CCDC73: variants seen among roughly 807,000 people sequenced by gnomAD.
The protein encoded by CCDC73 is coiled-coil domain containing 73, also known as coiled-coil domain-containing protein 73.
A neutral mutation model predicts 116.5 loss-of-function variants in CCDC73; 95 were observed. The ratio of observed to expected loss-of-function variants is 0.82; its 90% CI spans 0.69 to 0.97. The LOEUF (loss-of-function observed/expected upper bound fraction) is 0.97. Ranked by LOEUF, CCDC73 falls within the 50% of genes least tolerant of loss-of-function variation. CCDC73 has a pLI of 0.00. For synonymous variants in CCDC73, 398 were observed against 401.3 expected, an observed-to-expected ratio of 0.99 and a Z score of 0.10; for missense variants, 1,066 against 1,206.8, an observed-to-expected ratio of 0.88 and a Z score of 1.73.
the CCDC73 span, chr11:32,829,923 C>G: frequency 2.0e-6 from 2 of 985,602 alleles, no homozygotes; most frequent in South Asian, 9.4e-5. Flanking sequence ...CGCCTCCTCC[C>G]GTCCTCCGTC....
intron 14 of CCDC73, among the ~76,000 whole-genome samples, chr11:32,617,723 G>GT (rs1855487227): frequency 6.6e-6 from 1 of 152,196 alleles, no homozygotes; most frequent in Non-Finnish European, 1.5e-5. Context: ...TAGATGACTG[G>GT]TGGATGTCAT....
At chr11:32,759,327 CTT>C (rs1208029392) in intron 2 of CCDC73, among the ~76,000 whole-genome samples, 1 of 129,946 alleles carries the variant, frequency 7.7e-6, no homozygotes, top group Non-Finnish European at 1.6e-5. Context: ...ACATTTTTTC[CTT>C]TTTTTTTTTT....
the CCDC73 span, among the ~76,000 whole-genome samples, chr11:32,806,085 A>G: frequency 6.6e-6 from 1 of 152,346 alleles, no homozygotes; most frequent in South Asian, 2.1e-4. Context: ...ATGAAGTAGT[A>G]AACTAATTTG....
intron 1 of CCDC73, among the ~76,000 whole-genome samples, chr11:32,783,692 C>T (rs563064209): frequency 6.6e-6 from 1 of 152,090 alleles, no homozygotes; most frequent in South Asian, 2.1e-4. Context: ...TTCAAGAGGA[C>T]TCTGCCTTCA....
intron 2 of CCDC73, among the ~76,000 whole-genome samples, chr11:32,722,811 T>G (rs1850001053): frequency 6.6e-6 from 1 of 152,176 alleles, no homozygotes; most frequent in Non-Finnish European, 1.5e-5. Flanking sequence ...TCTAAGTACT[T>G]TTTATTTATT....
At chr11:32,809,994 AGATACTG>A in the CCDC73 span, among the ~76,000 whole-genome samples, 4 of 152,252 alleles carry the variant, frequency 2.6e-5, no homozygotes, top group African/African-American at 9.6e-5. Context: ...ACTTACTCAA[AGATACTG>A]GACACTGCAG....
chr11:32,775,357 TGCA>T (rs1319998135), intron 1 of CCDC73, among the ~76,000 whole-genome samples: 1 of 152,224 alleles, frequency 6.6e-6, no homozygotes, highest in Admixed American at 6.5e-5. Context: ...TTTATGTTTC[TGCA>T]GTCTCAGGTC....
intron 2 of CCDC73, among the ~76,000 whole-genome samples, chr11:32,752,956 G>A (rs1446066462): frequency 1.3e-5 from 2 of 151,886 alleles, no homozygotes; most frequent in African/African-American, 4.8e-5. Context: ...ATGGGCACAT[G>A]CCATCATGTC....
At chr11:32,655,044 T>C (rs1009295170) in intron 9 of CCDC73, 72 bp from the exon 10 acceptor site, 2 of 1,339,416 alleles carry the variant, frequency 1.5e-6, no homozygotes, top group Non-Finnish European at 2.0e-6. Flanking sequence ...TTCCTGACAG[T>C]TTCAAAGTTC....
chr11:32,755,192 G>C (rs369979224), intron 2 of CCDC73, among the ~76,000 whole-genome samples: 1 of 147,964 alleles, frequency 6.8e-6, no homozygotes, highest in East Asian at 2.0e-4. Flanking sequence ...AGTCAGCTTC[G>C]ACATTTTTTA....
chr11:32,820,849 GT>G, the CCDC73 span, among the ~76,000 whole-genome samples: 1 of 152,012 alleles, frequency 6.6e-6, no homozygotes, highest in Non-Finnish European at 1.5e-5. Flanking sequence ...ATTTTCTGAG[GT>G]TTACTAATTT....
Position 32,699,251 on chromosome 11 carries a change from C to A in CCDC73, c.390G>T (p.Gln130His). The A allele has an allele frequency of 6.3e-7, 1 of 1,577,198 alleles. No homozygotes were observed. The change falls in exon 6 of 18, where the codon CAG (glutamine) becomes CAT (histidine). Residue 130 changes from glutamine to histidine, a missense_variant and splice_region_variant. Gln to His is a conservative substitution (Grantham distance 24, BLOSUM62 0). Transcript: ENST00000335185. Reference sequence around the variant, plus strand: ...TTAAACAATACGTAGTTATTTTTACCTGTAGTGCTTTTAATGTTTCCTTCA... The same window carrying A: ...TTAAACAATACGTAGTTATTTTTACATGTAGTGCTTTTAATGTTTCCTTCA... ...EGLKETLKAL[Q>H]VSKYSLQKKV... is the part of the protein sequence containing the mutation.
the CCDC73 span, among the ~76,000 whole-genome samples, chr11:32,815,420 A>T: frequency 6.6e-6 from 1 of 151,636 alleles, no homozygotes; most frequent in Non-Finnish European, 1.5e-5. Flanking sequence ...TTGTAACCTC[A>T]AACTTCTAGC....
chr11:32,728,757 T>G (rs1422464021), intron 2 of CCDC73, among the ~76,000 whole-genome samples: 1 of 152,290 alleles, frequency 6.6e-6, no homozygotes, highest in East Asian at 1.9e-4. Flanking sequence ...CAGGCTGGAG[T>G]GCAGTGGTGT....
At chr11:32,657,143 C>G (rs1042218975) in intron 9 of CCDC73, among the ~76,000 whole-genome samples, 4 of 152,060 alleles carry the variant, frequency 2.6e-5, no homozygotes, top group African/African-American at 4.8e-5. Flanking sequence ...CAAAAGGAAG[C>G]TGAAAGAGGA....
intron 1 of CCDC73, among the ~76,000 whole-genome samples, chr11:32,769,468 A>G (rs565252907): frequency 6.6e-6 from 1 of 152,298 alleles, no homozygotes; most frequent in East Asian, 1.9e-4. Context: ...CTGGGTTCCA[A>G]GAGGAAGAGC....
intron 17 of CCDC73, among the ~76,000 whole-genome samples, chr11:32,607,899 C>G (rs546799635): frequency 6.6e-6 from 1 of 152,190 alleles, no homozygotes; most frequent in East Asian, 1.9e-4. Context: ...GCAATTCTTA[C>G]ATGGTGGCAG....
intron 12 of CCDC73, among the ~76,000 whole-genome samples, chr11:32,652,827 C>T (rs1186754502): frequency 6.6e-6 from 1 of 151,300 alleles, no homozygotes; most frequent in Non-Finnish European, 1.5e-5. Flanking sequence ...GACCACAATT[C>T]TAAGACAAAA....
At chr11:32,694,774 A>C (rs1856293413) in intron 6 of CCDC73, among the ~76,000 whole-genome samples, 2 of 152,204 alleles carry the variant, frequency 1.3e-5, no homozygotes, top group Admixed American at 6.5e-5. Flanking sequence ...AGATACACCA[A>C]GAAAAAAAAT....
Sources: gnomAD v4.1 joint callset for allele counts (sites outside exome capture counted in the v4.1 genomes callset) on GRCh38, gnomAD v4.1.1 for gene constraint, MANE v1.5 for transcripts, NCBI Gene and HGNC (gene_info 2026-07-23, HGNC 2026-07-21) for gene names.